Variants in TCF12 observed in about 807,000 individuals in gnomAD.
The protein encoded by TCF12 is DNA-binding protein HTF4.
Under a neutral mutation model 86.0 loss-of-function variants are expected in TCF12, and 45 were observed. The observed-to-expected ratio is 0.52, with a 90% CI of 0.41 to 0.67. The LOEUF (loss-of-function observed/expected upper bound fraction) is 0.67. Ranked by LOEUF, TCF12 falls within the 30% of genes least tolerant of loss-of-function variation. TCF12 has a pLI of 0.00. For missense variants in TCF12, 881 were observed against 859.9 expected (o/e 1.02, Z -0.31); for synonymous variants, 330 against 299.6 (o/e 1.10, Z -1.05).
intron 8 of TCF12, among the ~76,000 whole-genome samples, chr15:57,223,808 T>C (rs1250439634): frequency 6.6e-6 from 1 of 151,800 alleles, no homozygotes; most frequent in Non-Finnish European, 1.5e-5. Flanking sequence ...TATTGGGGTA[T>C]TTATTGCTAG....
At chr15:57,137,803 C>T (rs1053249162) in intron 5 of TCF12, among the ~76,000 whole-genome samples, 7 of 152,200 alleles carry the variant, frequency 4.6e-5, no homozygotes, top group South Asian at 4.1e-4. Flanking sequence ...CCAAGGCTGG[C>T]GGATCACGAG....
chr15:57,182,685 G>A (rs1229865989), intron 6 of TCF12, among the ~76,000 whole-genome samples: 57 of 152,036 alleles, frequency 3.7e-4, no homozygotes, highest in Non-Finnish European at 5.9e-5. Flanking sequence ...AGAAGACAGG[G>A]CATTTCCTAA....
At chr15:57,060,175 A>G (rs1596336409) in intron 3 of TCF12, among the ~76,000 whole-genome samples, 2 of 152,258 alleles carry the variant, frequency 1.3e-5, no homozygotes, top group African/African-American at 4.8e-5. Context: ...ATAGTAATTT[A>G]TGATTGCTCT....
chr15:56,961,839 G>GTTTAACATTA (rs2061767663), intron 3 of TCF12, among the ~76,000 whole-genome samples: 2 of 152,104 alleles, frequency 1.3e-5, no homozygotes, highest in Admixed American at 6.5e-5. Context: ...ACACTAGGTG[G>GTTTAACATTA]TGATATAAAA....
At chr15:57,247,307 C>T (rs2059910554) in intron 13 of TCF12, 4 of 657,558 alleles carry the variant, frequency 6.1e-6, no homozygotes, top group Admixed American at 2.1e-5. Context: ...ACCTTCACCA[C>T]CATAGCCTCC....
In TCF12 at chr15:57,204,078, T is replaced by C. The variant is rs556190440; in HGVS notation, c.579+6253T>C. On this transcript the variant is annotated intron_variant, in intron 8 of 20. Transcript: ENST00000333725. The stretch of plus-strand genomic sequence containing the variant: ...TGAATCAAAACAGCTTAGACTCTAC[T>C]TTTTCTTGGTTTGATGCAGACAGTT... 7.0e-4 allele frequency among the ~76,000 whole-genome samples: 107 copies of C among 152,324 alleles called. No homozygotes were observed. In the South Asian group the frequency reaches 0.022, roughly 31 times the overall value.
intron 5 of TCF12, among the ~76,000 whole-genome samples, chr15:57,121,866 T>A (rs1480682362): frequency 6.6e-6 from 1 of 152,230 alleles, no homozygotes; most frequent in African/African-American, 2.4e-5. Context: ...GTTCCTGGAA[T>A]TCTTGGGGAA....
chr15:57,104,341 G>A (rs2049969281), intron 5 of TCF12, among the ~76,000 whole-genome samples: 1 of 151,874 alleles, frequency 6.6e-6, no homozygotes, highest in Non-Finnish European at 1.5e-5. Context: ...ACTTTTCTTG[G>A]GAGGCTTAAT....
At chr15:56,946,999 T>C (rs934119005) in intron 3 of TCF12, among the ~76,000 whole-genome samples, 6 of 152,094 alleles carry the variant, frequency 3.9e-5, no homozygotes, top group African/African-American at 1.4e-4. Flanking sequence ...GGTTTCACCA[T>C]GTTGGCTAGG....
chr15:57,152,168 T>A (rs754339757), intron 5 of TCF12, among the ~76,000 whole-genome samples: 4 of 152,218 alleles, frequency 2.6e-5, no homozygotes, highest in Admixed American at 6.5e-5. Context: ...TTTCTCACTC[T>A]AAAGTCCTTA....
intron 3 of TCF12, among the ~76,000 whole-genome samples, chr15:57,017,729 T>TC (rs1442010684): frequency 7.4e-5 from 11 of 149,060 alleles, no homozygotes; most frequent in Non-Finnish European, 1.3e-4. Flanking sequence ...TTTCTTTCTT[T>TC]TTTTTTTTTT....
chr15:57,123,982 A>AAAAAAAAAAAAAAAAAAAAAAAAAAAT (rs1555511574), intron 5 of TCF12, among the ~76,000 whole-genome samples: 2 of 111,210 alleles, frequency 1.8e-5, no homozygotes, highest in African/African-American at 6.0e-5. Flanking sequence ...AAAAAAAAAA[A>AAAAAAAAAAAAAAAAAAAAAAAAAAAT]TTTTTTTTTT....
intron 16 of TCF12, among the ~76,000 whole-genome samples, chr15:57,259,796 C>T (rs960910557): frequency 6.6e-6 from 1 of 152,106 alleles, no homozygotes; most frequent in Non-Finnish European, 1.5e-5. Context: ...TAGGCTCAGA[C>T]AAAGAACTGT....
Position 57,262,146 on chromosome 15 carries a change from T to G in TCF12, c.1520T>G (p.Leu507Arg), listed in dbSNP as rs36060670. The change falls in exon 17 of 21, where the codon CTG becomes CGG. Residue 507 changes from leucine to arginine, a missense_variant. Leu to Arg is a moderately radical substitution (Grantham distance 102). Coordinates refer to ENST00000333725, the MANE Select transcript of TCF12 (RefSeq NM_207037.2). The part of the protein sequence containing the change: ...SVSLNGNHSV[L>R]SSTVTTSSTD... ...AGTCTCAATGGCAATCATTCAGTCC[T>G]GTCTAGTACAGTCACTACTTCAAGC... The G allele has an allele frequency of 5.8e-4, 943 of 1,613,768 alleles. 8 individuals carry two copies. In the African/African-American group the frequency reaches 9.8e-3, roughly 17 times the overall value.
intron 5 of TCF12, among the ~76,000 whole-genome samples, chr15:57,114,269 G>T (rs191207936): frequency 6.6e-6 from 1 of 152,236 alleles, no homozygotes; most frequent in East Asian, 1.9e-4. Context: ...TCAGCCAGTA[G>T]AAGAAACTAT....
intron 3 of TCF12, among the ~76,000 whole-genome samples, chr15:57,017,401 C>T (rs562273557): frequency 6.6e-6 from 1 of 152,338 alleles, no homozygotes; most frequent in South Asian, 2.1e-4. Flanking sequence ...TTTGTTGTAA[C>T]ATAGCCGCAC....
At chr15:57,041,297 A>G (rs1373635807) in intron 3 of TCF12, among the ~76,000 whole-genome samples, 1 of 152,204 alleles carries the variant, frequency 6.6e-6, no homozygotes, top group Non-Finnish European at 1.5e-5. Flanking sequence ...TTAAAATTGG[A>G]TGTTAATCTC....
intron 3 of TCF12, among the ~76,000 whole-genome samples, chr15:56,928,599 A>G (rs745735834): frequency 1.8e-4 from 28 of 152,224 alleles, no homozygotes; most frequent in Non-Finnish European, 3.7e-4. Flanking sequence ...TTGAAAAGTC[A>G]TGAAGTACCC....
At chr15:57,185,749 T>G (rs947823639) in intron 6 of TCF12, among the ~76,000 whole-genome samples, 3 of 152,046 alleles carry the variant, frequency 2.0e-5, no homozygotes, top group Non-Finnish European at 4.4e-5. Flanking sequence ...CCAGGTGTGG[T>G]GGTGCACATC....
Sources: allele counts gnomAD v4.1 joint callset (sites outside exome capture counted in the v4.1 genomes callset), GRCh38; gene constraint gnomAD v4.1.1; transcripts MANE v1.5; gene names NCBI Gene and HGNC (gene_info 2026-07-23, HGNC 2026-07-21).